The following CNOT10 variants were observed in gnomAD, a reference collection of about 807,000 sequenced individuals.
CNOT10 encodes the protein CCR4-NOT transcription complex subunit 10, also known as CCR4-NOT transcription complex, subunit 10.
CNOT10 carries 30 observed loss-of-function variants against 94.6 expected under a neutral mutation model. That is an observed-to-expected ratio of 0.32 (90% CI 0.24 to 0.43). The LOEUF is 0.43. Ranked by LOEUF, CNOT10 falls within the 20% of genes least tolerant of loss-of-function variation. The pLI, the probability that CNOT10 is intolerant of heterozygous loss-of-function variation, is 1.00. For synonymous variants in CNOT10, 289 were observed against 301.6 expected, an observed-to-expected ratio of 0.96 and a Z score of 0.43; for missense variants, 759 against 877.2, an observed-to-expected ratio of 0.87 and a Z score of 1.70.
At position 32,727,862 on chromosome 3, in the gene CNOT10, A is replaced by C. The variant is rs139908728; in HGVS notation, c.1207A>C (p.Asn403His). The change falls in exon 10 of 19, where the codon AAT becomes CAT. Residue 403 changes from asparagine to histidine, a missense_variant. By Grantham distance (68) the Asn-to-His change is moderately conservative. This residue lies in a region of CNOT10 where 682 missense variants were observed against 799.4 expected (regional missense o/e 0.85). Transcript: ENST00000328834. ...GCTGGCTGAATGCTGCATTGCTGCC[A>C]ATAAGGGGGTGAGTGCTACTTGGGT... Reference protein sequence around the residue: ...LRLAECCIAANKGTSEQETKG... With the variant: ...LRLAECCIAAHKGTSEQETKG... The C allele has an allele frequency of 1.5e-4, 239 of 1,612,614 alleles. 1 individual carries two copies. The East Asian group carries it at 5.2e-3, about 35-fold the overall frequency.
At chr3:32,710,801 A>G (rs1227555761) in intron 4 of CNOT10, among the ~76,000 whole-genome samples, 2 of 151,906 alleles carry the variant, frequency 1.3e-5, no homozygotes, top group East Asian at 1.9e-4. Flanking sequence ...ACTCACTGCA[A>G]CCTCCACCTG....
At chr3:32,705,633 A>G (rs1697586249) in intron 3 of CNOT10, among the ~76,000 whole-genome samples, 1 of 152,220 alleles carries the variant, frequency 6.6e-6, no homozygotes, top group Admixed American at 6.5e-5. Context: ...AGGCACAGAT[A>G]GCTGTGTAAA....
rs11425595 is a variant in CNOT10 at position 32,742,984 on chromosome 3, CT to C, written c.1595+5513del. On this transcript the variant is annotated intron_variant, in intron 13 of 18. Transcript: ENST00000328834. ...CAAGTTTACTTGAATGAATACTAAT[CT>C]TTTTTTTTTTTTTTTTTTGAGATAG... Among the ~76,000 whole-genome samples the C allele has an allele frequency of 6.3e-3, 776 of 122,710 alleles. 7 individuals are homozygous for C. Among genetic ancestry groups the C allele is most frequent in the African/African-American group, 0.016 (530 of 32,530 alleles). The allele number at this position is 122,710 out of a possible 152,430, so 80.5% of individuals were successfully genotyped here. A position where few individuals can be genotyped will look rare whatever the true frequency, so the allele number is the denominator to read the frequency against.
chr3:32,705,425 G>A (rs1413067321), intron 3 of CNOT10, among the ~76,000 whole-genome samples: 1 of 152,054 alleles, frequency 6.6e-6, no homozygotes, highest in Non-Finnish European at 1.5e-5. Flanking sequence ...AATGTTTCTT[G>A]AATCCTGGGG....
chr3:32,728,957 C>T (rs896227733), intron 10 of CNOT10, among the ~76,000 whole-genome samples: 3 of 151,964 alleles, frequency 2.0e-5, no homozygotes, highest in Non-Finnish European at 2.9e-5. Flanking sequence ...AAAAATTAGC[C>T]GGGCGTTGTG....
rs1307737404 is a variant in CNOT10, at chr3:32,685,358, G to A, written c.-103G>A. On this transcript the variant is annotated 5_prime_UTR_variant, in exon 1 of 19. Transcript: ENST00000328834. ...CGGAACCTGGGGGCCCGGAGCCGGG[G>A]TAGGCACAGAGTTGTCCTCGGAGGT... is the stretch of plus-strand genomic sequence containing the variant. 7.2e-7 allele frequency: 1 copy of A among 1,391,354 alleles called. No homozygotes were observed. Among genetic ancestry groups the A allele is most frequent in the Non-Finnish European group, 9.9e-7 (1 of 1,005,700 alleles). 86.2% of individuals were successfully genotyped at this position (1,391,354 alleles called of 1,614,324 possible). A position where few individuals can be genotyped will look rare whatever the true frequency, so the allele number is the denominator to read the frequency against.
intron 17 of CNOT10, chr3:32,769,550 G>C (rs183319649): frequency 8.7e-6 from 2 of 230,354 alleles, no homozygotes; most frequent in South Asian, 1.7e-4. Context: ...TAATACTGAA[G>C]TGTTACTTAG....
At chr3:32,702,199 A>G (rs1335565345) in intron 1 of CNOT10, among the ~76,000 whole-genome samples, 1 of 150,592 alleles carries the variant, frequency 6.6e-6, no homozygotes, top group Non-Finnish European at 1.5e-5. Context: ...AGGTTCAAGC[A>G]ATTCTCGTGC....
At chr3:32,739,363 TCTA>T (rs1398855362) in intron 13 of CNOT10, among the ~76,000 whole-genome samples, 9 of 152,236 alleles carry the variant, frequency 5.9e-5, no homozygotes. Flanking sequence ...ATTTTATTCT[TCTA>T]CTAACTCTGG....
In CNOT10 at chr3:32,687,551, A is replaced by G. The variant is rs1257653497; in HGVS notation, c.22+2069A>G. ...ATTGCAAGCTCCGCCTCCCGGGTTC[A>G]CGCCATTCTCCTGCCTCAGCCACCC... On this transcript the variant is annotated intron_variant, in intron 1 of 18. Transcript: ENST00000328834. Among the ~76,000 whole-genome samples, 7 of 141,770 alleles carry G rather than the reference A, an allele frequency of 4.9e-5. 1 individual carries two copies. The South Asian group carries it at 1.2e-3, about 23-fold the overall frequency. 93.0% of individuals were successfully genotyped at this position (141,770 alleles called of 152,430 possible).
rs555156296 is a variant in CNOT10 at position 32,737,245 on chromosome 3, G to A, written c.1515-165G>A. Among the ~76,000 whole-genome samples the A allele has an allele frequency of 5.4e-3, 820 of 152,302 alleles. 5 individuals carry two copies. The highest frequency in any genetic ancestry group is 0.012 in the South Asian group (58 of 4,820). On this transcript the variant is annotated intron_variant, in intron 12 of 18. Coordinates refer to ENST00000328834, the MANE Select transcript of CNOT10 (RefSeq NM_015442.3). ...CGGGAGAATCACTCAAACCTGGGAG[G>A]CAGAGGTTGCAGTGAGTTGAGATCG...
Position 32,714,665 on chromosome 3 carries a change from C to T in CNOT10, c.573+1296C>T, listed in dbSNP as rs547936747. Among the ~76,000 whole-genome samples, 8 of 152,248 alleles carry T rather than the reference C, an allele frequency of 5.3e-5. No homozygotes were observed. The East Asian group carries it at 1.2e-3, about 22-fold the overall frequency. On this transcript the variant is annotated intron_variant, in intron 5 of 18. Transcript: ENST00000328834. ...CGGAGATTGCAGTGAGCCAAGATTA[C>T]GCCACTGCACTCCAGCCTGGGAGAC...
At chr3:32,753,935 C>A (rs951975019) in intron 13 of CNOT10, 82 of 1,042,864 alleles carry the variant, frequency 7.9e-5, no homozygotes, top group Non-Finnish European at 9.4e-5. Flanking sequence ...CACACACACA[C>A]AAAATATAAA....
In CNOT10 at chr3:32,716,180, T is replaced by C. The variant is rs755244387; in HGVS notation, c.574-45T>C. 44 of 1,053,720 alleles carry C rather than the reference T, an allele frequency of 4.2e-5. 1 individual carries two copies. Among genetic ancestry groups the C allele is most frequent in the Non-Finnish European group, 1.4e-6 (1 of 724,936 alleles). 65.3% of individuals were successfully genotyped at this position (1,053,720 alleles called of 1,614,324 possible). Reference sequence around the variant, plus strand: ...TGGAAATCACTGATTTAAATTATGGTCAAAAATATTTAATTTTGATAAACT... The same window carrying C: ...TGGAAATCACTGATTTAAATTATGGCCAAAAATATTTAATTTTGATAAACT... On this transcript the variant is annotated intron_variant, in intron 5 of 18. Transcript: ENST00000328834.
intron 13 of CNOT10, among the ~76,000 whole-genome samples, chr3:32,748,506 A>G (rs755404897): frequency 4.6e-5 from 7 of 152,012 alleles, no homozygotes; most frequent in Non-Finnish European, 7.4e-5. Context: ...TTCTTCTGAT[A>G]TGTTTTTTGA....
At chr3:32,698,390 G>A (rs567105701) in intron 1 of CNOT10, among the ~76,000 whole-genome samples, 21 of 152,166 alleles carry the variant, frequency 1.4e-4, no homozygotes, top group African/African-American at 4.8e-4. Flanking sequence ...ACAGTATTAC[G>A]TTGTTATAAG....
Position 32,724,326 on chromosome 3 carries a change from A to G in CNOT10, c.863-1124A>G, listed in dbSNP as rs184498182. On this transcript the variant is annotated intron_variant, in intron 8 of 18. Coordinates refer to ENST00000328834, the MANE Select transcript of CNOT10 (RefSeq NM_015442.3). ...AGTGGTGCGATCTCGGCTCACTGCA[A>G]CCTCTGCCCTCTAGGGCCAAGCAAT... Among the ~76,000 whole-genome samples the G allele has an allele frequency of 7.3e-5, 11 of 150,190 alleles. No individual in the cohort carries two copies. The East Asian group carries it at 1.4e-3, about 19-fold the overall frequency.
Position 32,699,319 on chromosome 3 carries a change from T to G in CNOT10, c.23-4549T>G, listed in dbSNP as rs138659999. On this transcript the variant is annotated intron_variant, in intron 1 of 18. Coordinates refer to ENST00000328834, the MANE Select transcript of CNOT10 (RefSeq NM_015442.3). Reference sequence around the variant, plus strand: ...AACATGTTGTAAATATTTTTCCACATCAAGTTATATAGACTTAATAACTGT... The same window carrying G: ...AACATGTTGTAAATATTTTTCCACAGCAAGTTATATAGACTTAATAACTGT... Among the ~76,000 whole-genome samples, 3 of 152,372 alleles carry G rather than the reference T, an allele frequency of 2.0e-5. No homozygotes were observed. The East Asian group carries it at 5.8e-4, about 29-fold the overall frequency.
chr3:32,744,819 G>C (rs372122212), intron 13 of CNOT10, among the ~76,000 whole-genome samples: 2 of 152,144 alleles, frequency 1.3e-5, no homozygotes, highest in Admixed American at 6.6e-5. Flanking sequence ...ACATAAAATG[G>C]TGTAGTAATT....
Sources: gnomAD v4.1 joint callset for allele counts (sites outside exome capture counted in the v4.1 genomes callset) on GRCh38, gnomAD v4.1.1 for gene constraint, gnomAD v4.1.1 regional missense constraint, MANE v1.5 for transcripts, NCBI Gene and HGNC (gene_info 2026-07-23, HGNC 2026-07-21) for gene names.